ADGRV1: variants seen among roughly 807,000 people sequenced by gnomAD.
ADGRV1 encodes adhesion G protein-coupled receptor V1.
A neutral mutation model predicts 596.2 loss-of-function variants in ADGRV1; 359 were observed. The observed-to-expected ratio is 0.60, with a 90% confidence interval of 0.55 to 0.66. The LOEUF is 0.66. Among genes scored for constraint, ADGRV1 ranks in the 30% least tolerant of loss-of-function variants. The pLI, the probability that ADGRV1 is intolerant of heterozygous loss-of-function variation, is 0.00. For synonymous variants in ADGRV1, 2,681 were observed against 2,679.2 expected (o/e 1.00, Z -0.02); for missense variants, 7,274 against 7,575.6 (o/e 0.96, Z 1.48).
Position 90,845,964 on chromosome 5 carries a change from C to T in ADGRV1, c.17020-2673C>T, listed in dbSNP as rs116788995. ...CTAAATTTTTATTCTGTGTCTTTTACATTTCCCTGTGGGTTATTCTCCACT... is the reference window on the plus strand; with the variant it reads ...CTAAATTTTTATTCTGTGTCTTTTATATTTCCCTGTGGGTTATTCTCCACT... On this transcript the variant is annotated intron_variant, in intron 78 of 89. Coordinates refer to ENST00000405460, the MANE Select transcript of ADGRV1 (RefSeq NM_032119.4). Among the ~76,000 whole-genome samples, 532 of 152,226 alleles carry T rather than the reference C, an allele frequency of 3.5e-3. 5 individuals carry two copies. The highest frequency in any genetic ancestry group is 0.012 in the African/African-American group (511 of 41,536).
chr5:90,635,046 G>A (rs1765993910), intron 9 of ADGRV1, 68 bp from the exon 10 acceptor site: 1 of 1,019,368 alleles, frequency 9.8e-7, no homozygotes, highest in Admixed American at 2.2e-5. Flanking sequence ...ACCCCATGCT[G>A]TTAAGCTTTT....
intron 83 of ADGRV1, among the ~76,000 whole-genome samples, chr5:90,934,685 G>C (rs1343806730): frequency 6.6e-6 from 1 of 152,168 alleles, no homozygotes; most frequent in Non-Finnish European, 1.5e-5. Context: ...TTTTGTCTCA[G>C]CTAGGGCTGC....
chr5:90,627,557 C>G lies in ADGRV1; in HGVS notation c.1019C>G (p.Ser340Cys). 1 of 1,613,752 alleles carries G rather than the reference C, an allele frequency of 6.2e-7. No individual in the cohort carries two copies. Among genetic ancestry groups the G allele is most frequent in the Non-Finnish European group, 8.5e-7 (1 of 1,179,726 alleles). Residue 340 changes from serine (S) to cysteine (C), a missense_variant, in exon 7 of 90, where the codon TCT becomes TGT. This residue lies in a region of ADGRV1 where 1,715 missense variants were observed against 1,708.8 expected (regional missense o/e 1.00). Transcript: ENST00000405460. ...GTTTTTCCACCTTTTATTCATGAATCTCACTTGAAATTTCAAATAGTTGAT... is the reference window on the plus strand; with the variant it reads ...GTTTTTCCACCTTTTATTCATGAATGTCACTTGAAATTTCAAATAGTTGAT... ...TVVFPPFIHE[S>C]HLKFQIVDDT...
chr5:91,102,144 A>T, intron 86 of ADGRV1, 75 bp from the exon 87 acceptor site: 1 of 1,416,682 alleles, frequency 7.1e-7, no homozygotes, highest in Non-Finnish European at 9.5e-7. Context: ...CACAGAAAGA[A>T]GCCAAAAATA....
At chr5:90,695,487 A>C (rs572105937) in intron 33 of ADGRV1, among the ~76,000 whole-genome samples, 1 of 151,654 alleles carries the variant, frequency 6.6e-6, no homozygotes, top group South Asian at 2.1e-4. Context: ...ATTTTAAAAA[A>C]CATAGTGCTT....
At position 91,099,761 on chromosome 5, in the gene ADGRV1, G is replaced by A. The variant is rs141099147; in HGVS notation, c.18311-2458G>A. Reference sequence around the variant, plus strand: ...CAGAAAAGTTACAAATATGGAAAGGGAGAAAACTGGAATTAACCCCGTGAT... The same window carrying A: ...CAGAAAAGTTACAAATATGGAAAGGAAGAAAACTGGAATTAACCCCGTGAT... On this transcript the variant is annotated intron_variant, in intron 86 of 89. Coordinates refer to ENST00000405460, the MANE Select transcript of ADGRV1 (RefSeq NM_032119.4). 4.7e-3 allele frequency among the ~76,000 whole-genome samples: 709 copies of A among 152,266 alleles called. 3 individuals carry two copies. The highest frequency in any genetic ancestry group is 0.013 in the African/African-American group (554 of 41,558).
rs11747245 is a variant in ADGRV1, at chr5:90,979,071, A to T, written c.17974-6273A>T. Among the ~76,000 whole-genome samples, 103 of 151,690 alleles carry T rather than the reference A, an allele frequency of 6.8e-4. 2 individuals carry two copies. The highest frequency in any genetic ancestry group is 6.7e-3 in the Admixed American group (103 of 15,268). ...TTATCTTTTTACTTCTACAAGTAAA[A>T]CATATCTCCACTGGCATTTAAAGTG... On this transcript the variant is annotated intron_variant, in intron 84 of 89. Transcript: ENST00000405460.
At chr5:90,767,202 A>G (rs1379906396) in intron 59 of ADGRV1, among the ~76,000 whole-genome samples, 1 of 152,216 alleles carries the variant, frequency 6.6e-6, no homozygotes, top group East Asian at 1.9e-4. Flanking sequence ...AGGCAGTGTG[A>G]TATTTGCTCT....
At chr5:90,743,295 T>A in intron 50 of ADGRV1, among the ~76,000 whole-genome samples, 1 of 152,166 alleles carries the variant, frequency 6.6e-6, no homozygotes, top group East Asian at 1.9e-4. Flanking sequence ...CAACGTTTGC[T>A]GAAGTGTGAT....
chr5:90,750,946 G>A (rs994394599), intron 53 of ADGRV1, among the ~76,000 whole-genome samples: 3 of 152,126 alleles, frequency 2.0e-5, no homozygotes, highest in Non-Finnish European at 4.4e-5. Context: ...CAGTACATTC[G>A]TTGGCCACAT....
chr5:91,152,865 G>A (rs1796172731), intron 88 of ADGRV1, among the ~76,000 whole-genome samples: 1 of 151,442 alleles, frequency 6.6e-6, no homozygotes, highest in South Asian at 2.1e-4. Flanking sequence ...TCGTAGAGAT[G>A]GGGGTCTTAC....
chr5:91,025,254 T>G (rs192615894), intron 85 of ADGRV1, among the ~76,000 whole-genome samples: 359 of 152,200 alleles, frequency 2.4e-3, no homozygotes, highest in Admixed American at 4.7e-3. Flanking sequence ...ATAACTTGCA[T>G]AAAAATCACA....
At chr5:90,852,804 G>A (rs1211099304) in intron 79 of ADGRV1, among the ~76,000 whole-genome samples, 1 of 152,124 alleles carries the variant, frequency 6.6e-6, no homozygotes, top group Non-Finnish European at 1.5e-5. Context: ...TATTAGGCAG[G>A]CTCTGGTGGA....
chr5:90,568,468 G>T (rs1467920256), intron 1 of ADGRV1, among the ~76,000 whole-genome samples: 1 of 151,932 alleles, frequency 6.6e-6, no homozygotes, highest in Non-Finnish European at 1.5e-5. Context: ...TCTTATGGTT[G>T]GAGAATATAC....
chr5:90,602,233 G>A (rs1413559929), intron 1 of ADGRV1, among the ~76,000 whole-genome samples: 5 of 152,146 alleles, frequency 3.3e-5, no homozygotes, highest in African/African-American at 1.2e-4. Context: ...TTTTTAATAT[G>A]TCGGTAGATA....
At position 90,675,278 on chromosome 5, in the gene ADGRV1, C is replaced by T; in HGVS notation, c.5146C>T (p.Pro1716Ser). The T allele has an allele frequency of 6.2e-7, 1 of 1,613,732 alleles. No individual in the cohort carries two copies. The highest frequency in any genetic ancestry group is 8.5e-7 in the Non-Finnish European group (1 of 1,179,840). ...LQFSTGLPPQ[P>S]KDAMTLPASS... is the part of the protein sequence containing the mutation. ...GTTCTCCACAGGGCTGCCTCCTCAG[C>T]CTAAGGACGCAATGACCCTGCCTGC... Residue 1716 changes from proline to serine, a missense_variant, in exon 24 of 90, where the codon CCT becomes TCT. Physicochemically the swap from Pro to Ser is moderately conservative, Grantham distance 74. Transcript: ENST00000405460.
chr5:91,107,253 G>A (rs1791961089), intron 87 of ADGRV1, among the ~76,000 whole-genome samples: 1 of 152,114 alleles, frequency 6.6e-6, no homozygotes, highest in African/African-American at 2.4e-5. Context: ...AGGGAGGTTG[G>A]TTGGTTCAAA....
chr5:90,587,349 A>T (rs895250070), intron 1 of ADGRV1, among the ~76,000 whole-genome samples: 1 of 152,080 alleles, frequency 6.6e-6, no homozygotes, highest in Non-Finnish European at 1.5e-5. Flanking sequence ...TGATGGTTAG[A>T]GGCAAAAGTC....
At chr5:91,126,600 A>G (rs1184360703) in intron 87 of ADGRV1, among the ~76,000 whole-genome samples, 1 of 152,174 alleles carries the variant, frequency 6.6e-6, no homozygotes, top group African/African-American at 2.4e-5. Flanking sequence ...TTAAATCACC[A>G]AGTTTACTGG....
Sources: allele counts gnomAD v4.1 joint callset (sites outside exome capture counted in the v4.1 genomes callset), GRCh38; gene constraint gnomAD v4.1.1; regional missense constraint gnomAD v4.1.1; transcripts MANE v1.5; gene names NCBI Gene and HGNC (gene_info 2026-07-23, HGNC 2026-07-21).